GSN: variants seen among roughly 807,000 people sequenced by gnomAD.
The protein encoded by GSN is actin-depolymerizing factor.
Under a neutral mutation model 85.7 loss-of-function variants are expected in GSN, and 56 were observed. The observed-to-expected ratio is 0.65, with a 90% confidence interval of 0.53 to 0.82. GSN has a LOEUF of 0.82. GSN is among the 40% of genes least tolerant of loss of function. GSN has a pLI of 0.00. For missense variants in GSN, 857 were observed against 979.8 expected, an observed-to-expected ratio of 0.87 and a Z score of 1.67; for synonymous variants, 373 against 399.1, an observed-to-expected ratio of 0.93 and a Z score of 0.78.
At chr9:121,313,125 C>T (rs1209185035) in intron 6 of GSN, 1 of 153,786 alleles carries the variant, frequency 6.5e-6, no homozygotes, top group Admixed American at 6.4e-5. Context: ...TTAGCATCCC[C>T]AGAGGGCCAG....
chr9:121,304,931 G>C (rs908535774), intron 4 of GSN, among the ~76,000 whole-genome samples: 1 of 152,190 alleles, frequency 6.6e-6, no homozygotes, highest in African/African-American at 2.4e-5. Flanking sequence ...TTAATCCATT[G>C]CCTCCAGGTG....
chr9:121,331,306 C>G (rs1264241038), intron 16 of GSN, 82 bp from the exon 17 acceptor site: 1 of 819,840 alleles, frequency 1.2e-6, no homozygotes, highest in Non-Finnish European at 2.1e-6. Context: ...TGGTCTGATA[C>G]CTGGCCCCTC....
intron 2 of GSN, among the ~76,000 whole-genome samples, chr9:121,289,443 C>T (rs140120640): frequency 8.4e-4 from 128 of 152,314 alleles, no homozygotes; most frequent in Non-Finnish European, 1.4e-3. Context: ...TCCCTGCCTG[C>T]TGGTGCTGGC....
At position 121,237,309 on chromosome 9, in the gene GSN, CACA is replaced by C. The variant is rs1270468858; in HGVS notation, c.-389+6010_-389+6012del. Among the ~76,000 whole-genome samples, 10 of 152,298 alleles carry C rather than the reference CACA, an allele frequency of 6.6e-5. No individual in the cohort carries two copies. In the South Asian group the frequency reaches 1.9e-3, roughly 28 times the overall value. ...AGGGGTGATGTCTCATGCCTGTAATCACAACACTTTGGGAGGCCGAGGAGGGAG... is the reference window on the plus strand; with the variant it reads ...AGGGGTGATGTCTCATGCCTGTAATCACACTTTGGGAGGCCGAGGAGGGAG... On this transcript the variant is annotated intron_variant, in intron 5 of 24. Coordinates refer to the GSN transcript ENST00000373823.
intron 5 of GSN, among the ~76,000 whole-genome samples, chr9:121,235,346 T>G (rs1430298426): frequency 6.6e-6 from 1 of 152,196 alleles, no homozygotes; most frequent in South Asian, 2.1e-4. Context: ...TTCATCTCCC[T>G]TTTAGGTGGC....
Position 121,211,524 on chromosome 9 carries a change from G to A in GSN, c.-528+657G>A, listed in dbSNP as rs182261665. 3.9e-5 allele frequency among the ~76,000 whole-genome samples: 6 copies of A among 152,274 alleles called. No homozygotes were observed. In the South Asian group the frequency reaches 1.0e-3, roughly 26 times the overall value. On this transcript the variant is annotated intron_variant, in intron 4 of 24. Coordinates refer to the GSN transcript ENST00000373823. The stretch of plus-strand genomic sequence containing the variant: ...CTTATAAATACTTCCAGGTGTAAAA[G>A]TTGCTATTAATAATTAATTGGGGAT...
chr9:121,324,604 C>A lies in GSN; in HGVS notation c.1376C>A (p.Thr459Asn). 1 of 1,546,320 alleles carries A rather than the reference C, an allele frequency of 6.5e-7. No homozygotes were observed. The highest frequency in any genetic ancestry group is 8.7e-7 in the Non-Finnish European group (1 of 1,143,940). Residue 459 changes from threonine to asparagine, a missense_variant, in exon 12 of 18, where the codon ACT (threonine) becomes AAT (asparagine). Transcript: ENST00000432226. Reference sequence around the variant, plus strand: ...GAGGTCGCTGCATCTGCCATCCTGACTGCTCAGCTGGATGAGGAGCTGGGA... The same window carrying A: ...GAGGTCGCTGCATCTGCCATCCTGAATGCTCAGCTGGATGAGGAGCTGGGA... ...QDEVAASAIL[T>N]AQLDEELGGT...
intron 4 of GSN, among the ~76,000 whole-genome samples, chr9:121,211,164 G>C (rs2053962391): frequency 6.6e-6 from 1 of 152,164 alleles, no homozygotes; most frequent in African/African-American, 2.4e-5. Context: ...GGTTCCCCTG[G>C]GGGTAGAGGA....
chr9:121,287,339 C>T (rs184224892), intron 2 of GSN, among the ~76,000 whole-genome samples: 35 of 152,290 alleles, frequency 2.3e-4, no homozygotes, highest in Admixed American at 2.3e-3. Context: ...TCAACTAGGT[C>T]TGACCAGGCC....
At chr9:121,300,665 T>C (rs1400945158) in intron 2 of GSN, among the ~76,000 whole-genome samples, 2 of 152,232 alleles carry the variant, frequency 1.3e-5, no homozygotes, top group East Asian at 3.9e-4. Context: ...CCAGCCCCAG[T>C]GCATGTGTAA....
rs558734499 is a variant in GSN, at chr9:121,303,113, T to G, written c.351+48T>G. The G allele has an allele frequency of 1.9e-6, 3 of 1,575,990 alleles. No homozygotes were observed. The African/African-American group carries it at 4.0e-5, about 21-fold the overall frequency. On this transcript the variant is annotated intron_variant, in intron 4 of 17. Coordinates refer to ENST00000432226, the MANE Select transcript of GSN (RefSeq NM_198252.3). The stretch of plus-strand genomic sequence containing the variant: ...TGAGCGGTAGGGACAGATGCACCAG[T>G]AACAGGGCTCACTCAGGCCCATCTA...
chr9:121,233,174 A>G (rs1441805488), intron 5 of GSN, among the ~76,000 whole-genome samples: 1 of 152,132 alleles, frequency 6.6e-6, no homozygotes, highest in African/African-American at 2.4e-5. Context: ...CCACATAAGA[A>G]GTCCAGGCAA....
At chr9:121,204,623 A>C (rs2053853656), upstream of GSN, among the ~76,000 whole-genome samples, 1 of 152,252 alleles carries the variant, frequency 6.6e-6, no homozygotes, top group Admixed American at 6.5e-5. Context: ...TGGGGTTTCT[A>C]CTTAACTTTT....
intron 6 of GSN, among the ~76,000 whole-genome samples, chr9:121,252,550 A>G (rs1370674186): frequency 6.6e-6 from 1 of 152,216 alleles, no homozygotes; most frequent in Non-Finnish European, 1.5e-5. Flanking sequence ...AGTTTCACCA[A>G]TGGGCTATAG....
At chr9:121,268,522 A>T (rs936055886) in intron 1 of GSN, among the ~76,000 whole-genome samples, 19 of 151,912 alleles carry the variant, frequency 1.3e-4, no homozygotes, top group Admixed American at 1.2e-3. Context: ...CGCCCCCGGG[A>T]TGGGGGAACT....
chr9:121,318,826 C>T lies in GSN; in HGVS notation c.1137C>T (p.Ser379=). The stretch of plus-strand genomic sequence containing the variant: ...TCGACGCCGCCACCCTGCACACCTC[C>T]ACTGCCATGGCCGCCCAGCACGGCA... ...VPFDAATLHT[S]TAMAAQHGMD... Residue 379 remains serine, a synonymous_variant, in exon 10 of 18, where the codon TCC becomes TCT. Transcript: ENST00000432226. The surrounding 1 kb of genome is among the most constrained non-coding windows in gnomAD (Gnocchi z 4.3). 6.2e-7 allele frequency: 1 copy of T among 1,614,160 alleles called. No homozygotes were observed. The highest frequency in any genetic ancestry group is 1.6e-4 in the Middle Eastern group (1 of 6,062).
chr9:121,302,885 G>A (rs758063362), intron 3 of GSN, 26 bp from the exon 4 acceptor site: 57 of 1,612,316 alleles, frequency 3.5e-5, no homozygotes, highest in Admixed American at 5.0e-5. Context: ...GGAAAGCCAG[G>A]CTCATATTGC....
intron 14 of GSN, among the ~76,000 whole-genome samples, chr9:121,328,396 G>A (rs919640998): frequency 2.6e-5 from 4 of 152,170 alleles, no homozygotes; most frequent in Non-Finnish European, 5.9e-5. Flanking sequence ...TGCGACCAGT[G>A]GGAATTAGTG....
chr9:121,240,598 G>A (rs1284421002), intron 5 of GSN, among the ~76,000 whole-genome samples: 1 of 152,200 alleles, frequency 6.6e-6, no homozygotes, highest in African/African-American at 2.4e-5. Flanking sequence ...CAAATTCTTG[G>A]AAGAGTCAGT....
Sources: gnomAD v4.1 joint callset for allele counts (sites outside exome capture counted in the v4.1 genomes callset) on GRCh38, gnomAD v4.1.1 for gene constraint, Gnocchi (gnomAD v3.1) non-coding constraint, MANE v1.5 for transcripts, NCBI Gene and HGNC (gene_info 2026-07-23, HGNC 2026-07-21) for gene names.